Variants in KIF5B observed in about 807,000 individuals in gnomAD.
KIF5B encodes the protein kinesin family member 5B, also known as kinesin-1 heavy chain.
In KIF5B, 49 loss-of-function variants were observed where a neutral mutation model predicts 132.8. The ratio of observed to expected loss-of-function variants is 0.37; its 90% confidence interval spans 0.29 to 0.47. The LOEUF (loss-of-function observed/expected upper bound fraction) is 0.47. KIF5B is among the 20% of genes least tolerant of loss of function. The probability of loss-of-function intolerance (pLI) is 1.00; values close to 1 mark genes in which losing one functional copy is unlikely to be tolerated. For missense variants in KIF5B, 780 were observed against 1,144.0 expected (o/e 0.68, Z 4.59); for synonymous variants, 355 against 369.4 (o/e 0.96, Z 0.45).
chr10:32,039,246 TA>T, intron 4 of KIF5B, 80 bp downstream of exon 4: 1 of 597,544 alleles, frequency 1.7e-6, no homozygotes, highest in Non-Finnish European at 2.9e-6. Flanking sequence ...TTTTTAAAAT[TA>T]AAGAAACCAG....
rs989089513 is a variant in KIF5B at position 32,056,392 on chromosome 10, T to C, written c.-419A>G. On this transcript the variant is annotated 5_prime_UTR_variant, in exon 1 of 26. Coordinates refer to ENST00000302418, the MANE Select transcript of KIF5B (RefSeq NM_004521.3). ...TGCCGTCCGCTGGCCGGCCGACTGC[T>C]GCCCGATCACTCCTGAGGCCGCCGT... The C allele has an allele frequency of 1.8e-5, 4 of 221,446 alleles. No homozygotes were observed. Among genetic ancestry groups the C allele is most frequent in the East Asian group, 1.8e-4 (1 of 5,466 alleles). The allele number at this position is 221,446 out of a possible 1,614,324, so 13.7% of individuals were successfully genotyped here.
Position 32,033,956 on chromosome 10 carries a change from A to G in KIF5B, c.1194T>C (p.Leu398=). ...TTGCGGTTGCTGGTTTATCATTGGT[A>G]AGAGTAATATCTTTATCCACTGTGA... The part of the protein sequence containing the change: ...EAFTVDKDIT[L]TNDKPATAIG... The change falls in exon 12 of 26, where the codon CTT becomes CTC. Residue 398 remains leucine (L), a synonymous_variant. Coordinates refer to ENST00000302418, the MANE Select transcript of KIF5B (RefSeq NM_004521.3). 2 of 1,612,292 alleles carry G rather than the reference A, an allele frequency of 1.2e-6. No homozygotes were observed. The highest frequency in any genetic ancestry group is 1.7e-4 in the Middle Eastern group (1 of 6,060).
chr10:32,042,234 T>C (rs1186757264), intron 2 of KIF5B, among the ~76,000 whole-genome samples: 2 of 152,178 alleles, frequency 1.3e-5, no homozygotes, highest in East Asian at 3.9e-4. Context: ...CACAACTAAG[T>C]GGATAACAGA....
In KIF5B at chr10:32,034,858, G is replaced by GA; in HGVS notation, c.963-21dup. On this transcript the variant is annotated intron_variant, in intron 10 of 25. Coordinates refer to ENST00000302418, the MANE Select transcript of KIF5B (RefSeq NM_004521.3). ...TTGGCCCTAAGAGATGTAATTGGAG[G>GA]AAAAAAAGGATGAGACTGAAATTAT... 1.9e-6 allele frequency: 3 copies of GA among 1,542,848 alleles called. No individual in the cohort carries two copies. Among genetic ancestry groups the GA allele is most frequent in the East Asian group, 2.3e-5 (1 of 42,830 alleles).
chr10:32,049,930 A>AT (rs898984160), intron 1 of KIF5B, among the ~76,000 whole-genome samples: 59 of 96,478 alleles, frequency 6.1e-4, no homozygotes, highest in African/African-American at 1.5e-3. Flanking sequence ...TAAGAAAGTT[A>AT]TTTTTTTTTT....
intron 14 of KIF5B, 40 bp downstream of exon 14, chr10:32,031,032 TG>T: frequency 7.2e-7 from 1 of 1,396,098 alleles, no homozygotes; most frequent in African/African-American, 1.4e-5. Context: ...TAAGAATACT[TG>T]TACTAAAGCA....
At chr10:32,027,208 C>T (rs1414455966) in intron 15 of KIF5B, among the ~76,000 whole-genome samples, 1 of 152,056 alleles carries the variant, frequency 6.6e-6, no homozygotes, top group Non-Finnish European at 1.5e-5. Context: ...AGTGTATATG[C>T]TCTCTTTGTA....
rs1390480492 is a variant in KIF5B, at chr10:32,055,832, G to A, written c.126+16C>T. ...CCGAAGAAGCGGGAGGAGGGATGCC[G>A]GCGGGGGTCACTCACCGCGATCACG... is the stretch of plus-strand genomic sequence containing the variant. On this transcript the variant is annotated intron_variant, in intron 1 of 25. Transcript: ENST00000302418. 1.9e-6 allele frequency: 3 copies of A among 1,610,434 alleles called. No individual in the cohort carries two copies. The highest frequency in any genetic ancestry group is 1.7e-5 in the Admixed American group (1 of 59,970).
rs753652992 is a variant in KIF5B at position 32,021,201 on chromosome 10, G to A, written c.2094+25C>T. 1.2e-5 allele frequency: 20 copies of A among 1,608,264 alleles called. No individual in the cohort carries two copies. In the South Asian group the frequency reaches 2.0e-4, roughly 16 times the overall value. On this transcript the variant is annotated intron_variant, in intron 18 of 25. Transcript: ENST00000302418. ...AAATTAATACTGATTAATTAAAGCT[G>A]TTAGAAATGTGACATCAAACTTGCC... is the stretch of plus-strand genomic sequence containing the variant.
intron 2 of KIF5B, among the ~76,000 whole-genome samples, chr10:32,041,793 T>G (rs765289442): frequency 8.6e-5 from 13 of 152,040 alleles, no homozygotes; most frequent in Non-Finnish European, 1.8e-4. Flanking sequence ...TGGCTAATTC[T>G]AAAAAAAATT....
chr10:32,028,148 G>A (rs573736430), intron 15 of KIF5B, among the ~76,000 whole-genome samples: 4 of 152,176 alleles, frequency 2.6e-5, no homozygotes, highest in East Asian at 3.9e-4. Flanking sequence ...ATTTTTTGTA[G>A]AGACAGGGTT....
rs758601589 is a variant in KIF5B at position 32,033,831 on chromosome 10, C to A, written c.1305+14G>T. On this transcript the variant is annotated intron_variant, in intron 12 of 25. Coordinates refer to ENST00000302418, the MANE Select transcript of KIF5B (RefSeq NM_004521.3). ...ATCCTAATATAAAGCAGACCTAAAT[C>A]AAGCAATACCTACCTTGTCATCAAG... 18 of 1,587,524 alleles carry A rather than the reference C, an allele frequency of 1.1e-5. 1 individual carries two copies. In the South Asian group the frequency reaches 1.9e-4, roughly 17 times the overall value.
At chr10:32,034,377 G>A (rs1164755048) in intron 11 of KIF5B, among the ~76,000 whole-genome samples, 2 of 152,068 alleles carry the variant, frequency 1.3e-5, no homozygotes, top group African/African-American at 4.8e-5. Flanking sequence ...CTCCCAAAGT[G>A]CTAGGATTAC....
At chr10:32,035,406 G>C in intron 10 of KIF5B, 116 bp downstream of exon 10, 1 of 805,838 alleles carries the variant, frequency 1.2e-6, no homozygotes, top group Non-Finnish European at 1.9e-6. Flanking sequence ...AATTCAAACT[G>C]AGTGTGTCTA....
Position 32,015,617 on chromosome 10 carries a change from G to T in KIF5B, c.2804C>A (p.Thr935Asn). 6.2e-7 allele frequency: 1 copy of T among 1,613,646 alleles called. No individual in the cohort carries two copies. The highest frequency in any genetic ancestry group is 8.5e-7 in the Non-Finnish European group (1 of 1,179,654). Residue 935 changes from threonine (T) to asparagine (N), a missense_variant, in exon 25 of 26, where the codon ACT becomes AAT. By Grantham distance (65) the Thr-to-Asn change is moderately conservative (BLOSUM62 0). Transcript: ENST00000302418. The stretch of plus-strand genomic sequence containing the variant: ...TCCTCCACGAATTGCACTTGGGTGA[G>T]TTGGAGAAGCTGCTGGATGTTGCCC... ...RPGQHPAASP[T>N]HPSAIRGGGA...
At chr10:32,016,566 C>A (rs988882517) in intron 24 of KIF5B, among the ~76,000 whole-genome samples, 5 of 152,162 alleles carry the variant, frequency 3.3e-5, no homozygotes, top group Non-Finnish European at 7.3e-5. Flanking sequence ...TCGCTCGTCA[C>A]CCAGGCCGGA....
intron 13 of KIF5B, among the ~76,000 whole-genome samples, chr10:32,031,876 G>A (rs976083697): frequency 8.0e-5 from 12 of 149,394 alleles, no homozygotes; most frequent in Non-Finnish European, 1.8e-4. Flanking sequence ...GCGGGCGCCT[G>A]TAATCCCAGC....
rs956800453 is a variant in KIF5B, at chr10:32,009,210, G to C, written c.*2327C>G. 3.9e-5 allele frequency: 6 copies of C among 152,188 alleles called. No individual in the cohort carries two copies. The highest frequency in any genetic ancestry group is 1.2e-4 in the African/African-American group (5 of 41,448). The allele number at this position is 152,188 out of a possible 1,614,324, so 9.4% of individuals were successfully genotyped here. A position where few individuals can be genotyped will look rare whatever the true frequency, so the allele number is the denominator to read the frequency against. ...TGTCAAATGGAGTTAAGCACAAACTGAGAGTTACGCACAGTAGTTTTCTTA... is the reference window on the plus strand; with the variant it reads ...TGTCAAATGGAGTTAAGCACAAACTCAGAGTTACGCACAGTAGTTTTCTTA... On this transcript the variant is annotated 3_prime_UTR_variant, in exon 26 of 26. Coordinates refer to ENST00000302418, the MANE Select transcript of KIF5B (RefSeq NM_004521.3).
intron 17 of KIF5B, among the ~76,000 whole-genome samples, chr10:32,021,501 T>TTTGGTTTTTTTTTTTTTGGCCTAA (rs1841260559): frequency 7.0e-6 from 1 of 143,832 alleles, no homozygotes; most frequent in Non-Finnish European, 1.6e-5. Flanking sequence ...TTATGGTTTG[T>TTTGGTTTTTTTTTTTTTGGCCTAA]TTGGTTTTTT....
Sources: allele counts gnomAD v4.1 joint callset (sites outside exome capture counted in the v4.1 genomes callset), GRCh38; gene constraint gnomAD v4.1.1; transcripts MANE v1.5; gene names NCBI Gene and HGNC (gene_info 2026-07-23, HGNC 2026-07-21).